SNX29: variants seen among roughly 807,000 people sequenced by gnomAD.
SNX29 encodes the protein sorting nexin 29.
A neutral mutation model predicts 102.1 loss-of-function variants in SNX29; 78 were observed. That is an observed-to-expected ratio of 0.76 (90% CI 0.64 to 0.92). The LOEUF is 0.92. Among genes scored for constraint, SNX29 ranks in the 40% least tolerant of loss-of-function variants. The pLI, the probability that SNX29 is intolerant of heterozygous loss-of-function variation, is 0.00. For missense variants in SNX29, 1,280 were observed against 1,061.7 expected (o/e 1.21, Z -2.86); for synonymous variants, 580 against 414.5 (o/e 1.40, Z -4.85).
chr16:12,013,870 T>G (rs370649702), intron 3 of SNX29, among the ~76,000 whole-genome samples: 1 of 151,844 alleles, frequency 6.6e-6, no homozygotes, highest in Non-Finnish European at 1.5e-5. Context: ...AGGCTGGTCT[T>G]GAACTCCTGA....
intron 13 of SNX29, among the ~76,000 whole-genome samples, chr16:12,194,371 C>T (rs1339575299): frequency 6.6e-6 from 1 of 152,128 alleles, no homozygotes; most frequent in Non-Finnish European, 1.5e-5. Context: ...TATTCTGTGA[C>T]CATTTTTGTC....
intron 8 of SNX29, among the ~76,000 whole-genome samples, chr16:12,058,077 C>A (rs2050593537): frequency 1.3e-5 from 2 of 152,016 alleles, no homozygotes; most frequent in African/African-American, 4.8e-5. Flanking sequence ...ACCTTGGCCT[C>A]CCAAAGTGCT....
intron 14 of SNX29, among the ~76,000 whole-genome samples, chr16:12,219,216 C>G (rs1201479917): frequency 1.3e-5 from 2 of 152,040 alleles, no homozygotes; most frequent in African/African-American, 4.8e-5. Flanking sequence ...GGTTTGCAAA[C>G]CACATGTTAT....
chr16:12,414,720 GGTAT>G (rs60894539), intron 18 of SNX29, among the ~76,000 whole-genome samples: 1 of 151,842 alleles, frequency 6.6e-6, no homozygotes, highest in East Asian at 1.9e-4. Context: ...TTTATTTGTT[GGTAT>G]GTATGTATGT....
intron 14 of SNX29, among the ~76,000 whole-genome samples, chr16:12,223,968 C>A (rs76311980): frequency 6.6e-6 from 1 of 152,204 alleles, no homozygotes; most frequent in South Asian, 2.1e-4. Context: ...CTCATTGAAG[C>A]CCATGTGGAT....
chr16:12,486,413 C>A (rs560596601), intron 19 of SNX29, among the ~76,000 whole-genome samples: 1 of 151,258 alleles, frequency 6.6e-6, no homozygotes, highest in Non-Finnish European at 1.5e-5. Context: ...ATCCTGCCTA[C>A]CGTACACCTC....
chr16:12,386,346 C>A (rs1232815921), intron 16 of SNX29, among the ~76,000 whole-genome samples: 1 of 152,166 alleles, frequency 6.6e-6, no homozygotes, highest in Non-Finnish European at 1.5e-5. Context: ...CTCATTGAAT[C>A]CTTACAACAA....
intron 13 of SNX29, among the ~76,000 whole-genome samples, chr16:12,149,835 T>G (rs2055223436): frequency 6.6e-6 from 1 of 152,166 alleles, no homozygotes; most frequent in African/African-American, 2.4e-5. Flanking sequence ...CAAGTATGGT[T>G]TCTAGGTGCT....
chr16:12,235,030 G>A (rs946423320), intron 14 of SNX29, among the ~76,000 whole-genome samples: 2 of 151,674 alleles, frequency 1.3e-5, no homozygotes, highest in African/African-American at 4.8e-5. Context: ...GTCTCTCTCT[G>A]TCTTTGGCTT....
intron 13 of SNX29, among the ~76,000 whole-genome samples, chr16:12,138,070 ATGTGG>A (rs1291821677): frequency 6.6e-6 from 1 of 152,110 alleles, no homozygotes; most frequent in Non-Finnish European, 1.5e-5. Flanking sequence ...TGGGAAGGGG[ATGTGG>A]TAGCAAGCCT....
intron 14 of SNX29, among the ~76,000 whole-genome samples, chr16:12,260,822 A>G (rs1266761980): frequency 0.011 from 283 of 26,658 alleles, no homozygotes; most frequent in Middle Eastern, 0.019. Context: ...TGCTGAGCTC[A>G]GATCTGTGTG....
intron 18 of SNX29, among the ~76,000 whole-genome samples, chr16:12,412,615 G>T (rs981697285): frequency 6.6e-6 from 1 of 152,212 alleles, no homozygotes; most frequent in Non-Finnish European, 1.5e-5. Context: ...AAGTCTTCGC[G>T]TGTTAGGCTT....
intron 18 of SNX29, among the ~76,000 whole-genome samples, chr16:12,404,099 G>A (rs1597255833): frequency 6.6e-6 from 1 of 152,164 alleles, no homozygotes; most frequent in Non-Finnish European, 1.5e-5. Flanking sequence ...GCCAGGGTGG[G>A]TGTTTACCTC....
intron 14 of SNX29, among the ~76,000 whole-genome samples, chr16:12,231,308 C>G (rs556840754): frequency 2.0e-5 from 3 of 152,176 alleles, no homozygotes; most frequent in Non-Finnish European, 2.9e-5. Context: ...AACAGAACTT[C>G]GTTTAAAGTA....
chr16:12,164,903 G>T (rs1233316705), intron 13 of SNX29, among the ~76,000 whole-genome samples: 2 of 152,054 alleles, frequency 1.3e-5, no homozygotes, highest in Admixed American at 1.3e-4. Context: ...TGTCAGGCTG[G>T]TCTTGAACTC....
At position 12,027,750 on chromosome 16, in the gene SNX29, A is replaced by G. The variant is rs914333712; in HGVS notation, c.247+306A>G. 2 of 208,126 alleles carry G rather than the reference A, an allele frequency of 9.6e-6. 1 individual carries two copies. The highest frequency in any genetic ancestry group is 1.7e-4 in the South Asian group (2 of 11,994). The allele number at this position is 208,126 out of a possible 1,614,324, so 12.9% of individuals were successfully genotyped here. On this transcript the variant is annotated intron_variant, in intron 4 of 20. Transcript: ENST00000566228. ...TGGCGTGCCAGTTGCTGGGAAATTA[A>G]TAATCTGTTTTAATTTGATGCCTGA...
rs76572735 is a variant in SNX29 at position 12,197,149 on chromosome 16, G to C, written c.1596-2452G>C. Among the ~76,000 whole-genome samples, 392 of 152,338 alleles carry C rather than the reference G, an allele frequency of 2.6e-3. 2 individuals are homozygous for C. The highest frequency in any genetic ancestry group is 4.4e-3 in the Non-Finnish European group (302 of 68,030). The stretch of plus-strand genomic sequence containing the variant: ...CTTGGAAAATGTTTTTCCATGAACT[G>C]TTGTTTAGAAATGTCTATAACTGCC... On this transcript the variant is annotated intron_variant, in intron 13 of 20. Coordinates refer to ENST00000566228, the MANE Select transcript of SNX29 (RefSeq NM_032167.5).
chr16:12,151,960 C>G (rs2055321027), intron 13 of SNX29, among the ~76,000 whole-genome samples: 1 of 152,182 alleles, frequency 6.6e-6, no homozygotes, highest in South Asian at 2.1e-4. Context: ...GTCTGAAACT[C>G]CTGACCTCAG....
At chr16:12,478,602 G>T (rs77058697) in intron 19 of SNX29, among the ~76,000 whole-genome samples, 1,856 of 152,284 alleles carry the variant, frequency 0.012, 28 homozygotes, top group East Asian at 0.034. Context: ...GCTGGGTTCA[G>T]CCCTGGAGAA....
Sources: allele counts gnomAD v4.1 joint callset (sites outside exome capture counted in the v4.1 genomes callset), GRCh38; gene constraint gnomAD v4.1.1; transcripts MANE v1.5; gene names NCBI Gene and HGNC (gene_info 2026-07-23, HGNC 2026-07-21).